NEO1: variants seen among roughly 807,000 people sequenced by gnomAD.
NEO1 encodes neogenin.
Under a neutral mutation model 159.7 loss-of-function variants are expected in NEO1, and 63 were observed. The observed-to-expected ratio is 0.39, with a 90% CI of 0.32 to 0.49. NEO1 has a LOEUF of 0.49. Ranked by LOEUF, NEO1 falls within the 20% of genes least tolerant of loss-of-function variation. The probability of loss-of-function intolerance (pLI) is 0.85; values close to 1 mark genes in which losing one functional copy is unlikely to be tolerated. For missense variants in NEO1, 1,615 were observed against 1,831.0 expected, an observed-to-expected ratio of 0.88 and a Z score of 2.15; for synonymous variants, 633 against 662.0, an observed-to-expected ratio of 0.96 and a Z score of 0.67.
chr15:73,183,479 T>C (rs956026723), intron 7 of NEO1, among the ~76,000 whole-genome samples: 1 of 152,154 alleles, frequency 6.6e-6, no homozygotes, highest in Non-Finnish European at 1.5e-5. Context: ...GAAATCATTT[T>C]AGGCCTCAGG....
At chr15:73,111,037 A>G (rs1184948511) in intron 1 of NEO1, among the ~76,000 whole-genome samples, 3 of 152,224 alleles carry the variant, frequency 2.0e-5, no homozygotes, top group African/African-American at 7.2e-5. Flanking sequence ...ATATATACAT[A>G]TATAAAAGTA....
intron 4 of NEO1, among the ~76,000 whole-genome samples, chr15:73,135,108 A>T (rs941237418): frequency 2.6e-5 from 4 of 152,118 alleles, no homozygotes; most frequent in African/African-American, 9.7e-5. Flanking sequence ...AGGTACCTTT[A>T]TATGTCTGAT....
intron 1 of NEO1, among the ~76,000 whole-genome samples, chr15:73,055,454 T>C (rs1433163919): frequency 1.3e-5 from 2 of 152,190 alleles, no homozygotes; most frequent in Non-Finnish European, 2.9e-5. Context: ...CATTACTCTA[T>C]CTTCAGGTTA....
chr15:73,162,492 A>C (rs1327558404), intron 5 of NEO1, among the ~76,000 whole-genome samples: 9 of 152,110 alleles, frequency 5.9e-5, no homozygotes, highest in African/African-American at 2.2e-4. Flanking sequence ...TCCTGGGTTC[A>C]AGCAATTCTC....
chr15:73,206,081 T>C (rs1306113472), intron 7 of NEO1, among the ~76,000 whole-genome samples: 1 of 151,996 alleles, frequency 6.6e-6, no homozygotes, highest in African/African-American at 2.4e-5. Flanking sequence ...TAATTTTTTG[T>C]ATTTTAGTAG....
intron 1 of NEO1, among the ~76,000 whole-genome samples, chr15:73,067,616 ATT>A (rs754677748): frequency 1.1e-4 from 10 of 92,704 alleles, no homozygotes; most frequent in African/African-American, 8.1e-5. Context: ...CGCCCAGCTA[ATT>A]TTTTTTTTTT....
At chr15:73,257,153 A>AAAAAAAAAT (rs2040401716) in intron 13 of NEO1, among the ~76,000 whole-genome samples, 1 of 147,482 alleles carries the variant, frequency 6.8e-6, no homozygotes, top group Non-Finnish European at 1.5e-5. Flanking sequence ...AAAAAAAAAA[A>AAAAAAAAAT]GTTTCATATT....
In NEO1 at chr15:73,202,182, C is replaced by T. The variant is rs7178571; in HGVS notation, c.1291+23755C>T. Among the ~76,000 whole-genome samples the T allele has an allele frequency of 8.6e-3, 1,302 of 151,954 alleles. 22 individuals are homozygous for T. The highest frequency in any genetic ancestry group is 0.03 in the African/African-American group (1,230 of 41,468). On this transcript the variant is annotated intron_variant, in intron 7 of 28. Transcript: ENST00000261908. Reference sequence around the variant, plus strand: ...TTCTCCATGTTGGTCAGGCTGGTCTCGAACTCCTGACCTCAGGTGATCCAC... The same window carrying T: ...TTCTCCATGTTGGTCAGGCTGGTCTTGAACTCCTGACCTCAGGTGATCCAC...
At chr15:73,225,550 G>A (rs1014512160) in intron 7 of NEO1, among the ~76,000 whole-genome samples, 1 of 152,100 alleles carries the variant, frequency 6.6e-6, no homozygotes, top group Non-Finnish European at 1.5e-5. Flanking sequence ...CCTCTGCTGA[G>A]TCATGCAGGT....
intron 2 of NEO1, among the ~76,000 whole-genome samples, chr15:73,120,946 C>G (rs887019460): frequency 2.2e-4 from 33 of 152,130 alleles, no homozygotes; most frequent in African/African-American, 7.7e-4. Flanking sequence ...AACATCTTAT[C>G]GTATCTGCCT....
intron 1 of NEO1, among the ~76,000 whole-genome samples, chr15:73,053,981 T>C (rs1178287065): frequency 6.6e-6 from 1 of 152,238 alleles, no homozygotes; most frequent in African/African-American, 2.4e-5. Flanking sequence ...CTTTTGCCAA[T>C]GTTAAAGAAC....
chr15:73,267,320 A>G (rs1452349587), intron 16 of NEO1, among the ~76,000 whole-genome samples: 1 of 152,232 alleles, frequency 6.6e-6, no homozygotes, highest in Non-Finnish European at 1.5e-5. Context: ...ATTTTTCTAT[A>G]GATATATAAG....
At chr15:73,133,412 C>T (rs529541668) in intron 4 of NEO1, among the ~76,000 whole-genome samples, 8 of 152,056 alleles carry the variant, frequency 5.3e-5, no homozygotes, top group South Asian at 2.1e-4. Context: ...GGGTGGGAGG[C>T]GGGTGAGGGA....
At chr15:73,115,864 T>C (rs893030614) in intron 1 of NEO1, among the ~76,000 whole-genome samples, 1 of 152,170 alleles carries the variant, frequency 6.6e-6, no homozygotes, top group Non-Finnish European at 1.5e-5. Flanking sequence ...GAATTCTAGA[T>C]GAAGATTAAA....
chr15:73,264,796 CT>C (rs1596524512), intron 15 of NEO1, among the ~76,000 whole-genome samples: 1 of 152,184 alleles, frequency 6.6e-6, no homozygotes, highest in East Asian at 1.9e-4. Context: ...TTAATGCCTT[CT>C]CCCTCAAACC....
At chr15:73,121,041 C>A (rs2071618155) in intron 2 of NEO1, among the ~76,000 whole-genome samples, 1 of 135,592 alleles carries the variant, frequency 7.4e-6, no homozygotes, top group Admixed American at 8.2e-5. Context: ...CCTGTAACTG[C>A]CACCTAAATA....
chr15:73,201,768 T>C (rs2036905196), intron 7 of NEO1, among the ~76,000 whole-genome samples: 1 of 152,128 alleles, frequency 6.6e-6, no homozygotes, highest in Non-Finnish European at 1.5e-5. Context: ...ATGTTTAGGA[T>C]TGTTATGTCT....
At chr15:73,302,351 G>A (rs2042652032) in intron 28 of NEO1, among the ~76,000 whole-genome samples, 1 of 152,232 alleles carries the variant, frequency 6.6e-6, no homozygotes, top group Non-Finnish European at 1.5e-5. Context: ...GGCAAGCAGT[G>A]GGCCTTCTGG....
intron 4 of NEO1, among the ~76,000 whole-genome samples, chr15:73,130,316 C>CG (rs1555433355): frequency 6.7e-6 from 1 of 150,278 alleles, no homozygotes; most frequent in Non-Finnish European, 1.5e-5. Context: ...CCGCCCCCCC[C>CG]GCCGCATAAG....
Sources: gnomAD v4.1 joint callset for allele counts (sites outside exome capture counted in the v4.1 genomes callset) on GRCh38, gnomAD v4.1.1 for gene constraint, MANE v1.5 for transcripts, NCBI Gene and HGNC (gene_info 2026-07-23, HGNC 2026-07-21) for gene names.